Variants in MOGS observed in about 807,000 individuals in gnomAD.
MOGS encodes the protein epididymis secretory sperm binding protein.
A neutral mutation model predicts 68.5 loss-of-function variants in MOGS; 45 were observed. The observed-to-expected ratio is 0.66, with a 90% CI of 0.52 to 0.84. The LOEUF is 0.84. MOGS is among the 40% of genes least tolerant of loss of function. The pLI, the probability that MOGS is intolerant of heterozygous loss-of-function variation, is 0.00. For synonymous variants in MOGS, 492 were observed against 461.2 expected, an observed-to-expected ratio of 1.07 and a Z score of -0.86; for missense variants, 1,020 against 1,095.0, an observed-to-expected ratio of 0.93 and a Z score of 0.97.
Position 74,463,406 on chromosome 2 carries a change from AG to A in MOGS, c.580-21del. ...TGAGTCCTGAGTGACCAACGAGGAC[AG>A]AAAAGAACAGTGTTAGATTGGCATT... On this transcript the variant is annotated intron_variant, in intron 2 of 3. Transcript: ENST00000448666. 6.2e-7 allele frequency: 1 copy of A among 1,609,062 alleles called. No homozygotes were observed. Among genetic ancestry groups the A allele is most frequent in the Non-Finnish European group, 8.5e-7 (1 of 1,175,534 alleles).
rs530271596 is a variant in MOGS at position 74,462,341 on chromosome 2, C to T, written c.1448G>A (p.Trp483Ter). 6.2e-7 allele frequency: 1 copy of T among 1,614,052 alleles called. No individual in the cohort carries two copies. The highest frequency in any genetic ancestry group is 1.1e-5 in the South Asian group (1 of 91,090). ...HWLGLLNADGWIGREQILGDE... is the reference protein window; with the variant it reads ...HWLGLLNADG Reference sequence around the variant, plus strand: ...CCCCAGTATCTGCTCCCTCCCAATCCAGCCATCAGCATTTAGCAGCCCCAG... The same window carrying T: ...CCCCAGTATCTGCTCCCTCCCAATCTAGCCATCAGCATTTAGCAGCCCCAG... The change falls in exon 4 of 4, where the codon TGG (tryptophan) becomes TAG (stop). Residue 483 changes from tryptophan to a stop codon, truncating the protein, a stop_gained. Transcript: ENST00000448666. LOFTEE classifies it high-confidence loss of function.
rs1263352542 is a variant in MOGS at position 74,464,624 on chromosome 2, G to C, written c.451C>G (p.His151Asp). Reference sequence around the variant, plus strand: ...TGGCGCCCGAAGGAGAGGCCGTCGTGGAACTCCCAGCCATAGGGACCCACA... The same window carrying C: ...TGGCGCCCGAAGGAGAGGCCGTCGTCGAACTCCCAGCCATAGGGACCCACA... ...DGVGPYGWEF[H>D]DGLSFGRQHI... Residue 151 changes from histidine to aspartate, a missense_variant, in exon 2 of 4, where the codon CAC becomes GAC. His to Asp is a moderately conservative substitution (Grantham distance 81). Around this residue, in one of 3 missense-constraint regions of MOGS, gnomAD observed 569 missense variants for 571.9 expected, o/e 0.99. Transcript: ENST00000448666. 1.2e-6 allele frequency: 2 copies of C among 1,614,010 alleles called. No individual in the cohort carries two copies. Among genetic ancestry groups the C allele is most frequent in the Admixed American group, 3.3e-5 (2 of 60,022 alleles).
intron 2 of MOGS, 91 bp from the exon 3 acceptor site, chr2:74,463,477 G>T (rs1255608147): frequency 1.5e-6 from 2 of 1,344,804 alleles, no homozygotes; most frequent in East Asian, 2.3e-5. Flanking sequence ...TGAGGGAAAG[G>T]AACAGTAGGC....
rs1430357441 is a variant in MOGS at position 74,461,327 on chromosome 2, G to A, written c.2462C>T (p.Pro821Leu). Reference sequence around the variant, plus strand: ...GACAAGGCTGGTCCAGCCGTGGAAAGGGCGGCAGCCCATGCCTCGCCCATC... The same window carrying A: ...GACAAGGCTGGTCCAGCCGTGGAAAAGGCGGCAGCCCATGCCTCGCCCATC... Reference protein sequence around the residue: ...DRDGRGMGCRPFHGWTSLVLL... With the variant: ...DRDGRGMGCRLFHGWTSLVLL... The change falls in exon 4 of 4, where the codon CCT becomes CTT. Residue 821 changes from proline to leucine, a missense_variant. This residue lies in a region of MOGS where 270 missense variants were observed against 261.3 expected (regional missense o/e 1.03). Coordinates refer to ENST00000448666, the MANE Select transcript of MOGS (RefSeq NM_006302.3). 6.2e-7 allele frequency: 1 copy of A among 1,614,134 alleles called. No individual in the cohort carries two copies. Among genetic ancestry groups the A allele is most frequent in the Non-Finnish European group, 8.5e-7 (1 of 1,180,040 alleles).
At chr2:74,464,468 T>G in intron 2 of MOGS, 28 bp downstream of exon 2, 23 of 1,606,612 alleles carry the variant, frequency 1.4e-5, no homozygotes, top group South Asian at 2.2e-5. Context: ...GGGTCTGGGC[T>G]GAGAAAAGGG....
chr2:74,462,325 C>T lies in MOGS; in HGVS notation c.1464G>A (p.Gln488=). The T allele has an allele frequency of 6.2e-7, 1 of 1,614,002 alleles. No individual in the cohort carries two copies. The highest frequency in any genetic ancestry group is 8.5e-7 in the Non-Finnish European group (1 of 1,180,012). ...GGGCTCGGGCCTCATCCCCCAGTAT[C>T]TGCTCCCTCCCAATCCAGCCATCAG... is the stretch of plus-strand genomic sequence containing the variant. ...LNADGWIGRE[Q]ILGDEARARV... The change falls in exon 4 of 4, where the codon CAG becomes CAA. Residue 488 remains glutamine (Q), a synonymous_variant. Transcript: ENST00000448666.
In MOGS at chr2:74,462,219, C is replaced by G; in HGVS notation, c.1570G>C (p.Glu524Gln). ...GCCAAGTCGTCAGGGTCACCAACCT[C>G]TAGCATATGGGCTACAGGCAAAAGT... The part of the protein sequence containing the change: ...TLLLPVAHML[E>Q]VGDPDDLAFL... The change falls in exon 4 of 4, where the codon GAG becomes CAG. Residue 524 changes from glutamate (E) to glutamine (Q), a missense_variant. Physicochemically the swap from Glu to Gln is conservative, Grantham distance 29 (BLOSUM62 2). This residue lies in a region of MOGS where 181 missense variants were observed against 261.8 expected (regional missense o/e 0.69). Transcript: ENST00000448666. The G allele has an allele frequency of 6.2e-7, 1 of 1,614,160 alleles. No individual in the cohort carries two copies. Among genetic ancestry groups the G allele is most frequent in the Non-Finnish European group, 8.5e-7 (1 of 1,180,018 alleles).
chr2:74,461,767 C>A lies in MOGS; in HGVS notation c.2022G>T (p.Arg674=). ...GTTGAGGTTGGGGCCGACCCACCAC[C>A]CGAACGAGCCCCTGAGGGGGCCTGG... ...LKPRPPQGLV[R]VVGRPQPQLQ... The change falls in exon 4 of 4, where the codon CGG becomes CGT. Residue 674 remains arginine, a synonymous_variant. Coordinates refer to ENST00000448666, the MANE Select transcript of MOGS (RefSeq NM_006302.3). The A allele has an allele frequency of 1.2e-6, 2 of 1,614,222 alleles. No homozygotes were observed. Among genetic ancestry groups the A allele is most frequent in the South Asian group, 1.1e-5 (1 of 91,092 alleles).
chr2:74,464,825 C>A lies in MOGS; in HGVS notation c.352+71G>T. 3 of 1,561,874 alleles carry A rather than the reference C, an allele frequency of 1.9e-6. No individual in the cohort carries two copies. The South Asian group carries it at 3.5e-5, about 18-fold the overall frequency. ...CTCTCCTGATCCATTCCTTCCCACCCTTGCTCTCGCTTCAAGCTGGGGCGC... is the reference window on the plus strand; with the variant it reads ...CTCTCCTGATCCATTCCTTCCCACCATTGCTCTCGCTTCAAGCTGGGGCGC... On this transcript the variant is annotated intron_variant, in intron 1 of 3. Coordinates refer to ENST00000448666, the MANE Select transcript of MOGS (RefSeq NM_006302.3).
Position 74,461,232 on chromosome 2 carries a change from C to T in MOGS, c.*43G>A. 6.2e-7 allele frequency: 1 copy of T among 1,611,462 alleles called. No homozygotes were observed. The highest frequency in any genetic ancestry group is 1.1e-5 in the South Asian group (1 of 90,892). ...GCCAGAAGCCTTTGTCCCTTCAGAG[C>T]CAGAGTGGCATGAGTGTCTTGGCTC... On this transcript the variant is annotated 3_prime_UTR_variant, in exon 4 of 4. Transcript: ENST00000448666.
At chr2:74,464,241 G>A (rs1558566726) in intron 2 of MOGS, among the ~76,000 whole-genome samples, 1 of 152,314 alleles carries the variant, frequency 6.6e-6, no homozygotes, top group South Asian at 2.1e-4. Flanking sequence ...TTACAGGCGT[G>A]AGCCACCGCG....
Position 74,462,085 on chromosome 2 carries a change from G to A in MOGS, c.1704C>T (p.Ala568=). The A allele has an allele frequency of 6.2e-7, 1 of 1,614,192 alleles. No homozygotes were observed. The highest frequency in any genetic ancestry group is 8.5e-7 in the Non-Finnish European group (1 of 1,179,984). Residue 568 remains alanine, a synonymous_variant, in exon 4 of 4, where the codon GCC becomes GCT. Coordinates refer to ENST00000448666, the MANE Select transcript of MOGS (RefSeq NM_006302.3). ...TCTTGGGGTTCAGTAAGGTTGGTAA[G>A]GCAGGGTCCCGTCCCCGCCAGCGGT... ...LSYRWRGRDP[A]LPTLLNPKTL... is the part of the protein sequence containing the mutation.
chr2:74,461,802 G>T lies in MOGS; in HGVS notation c.1987C>A (p.Gln663Lys). Residue 663 changes from glutamine (Q) to lysine (K), a missense_variant, in exon 4 of 4, where the codon CAG becomes AAG. By Grantham distance (53) the Gln-to-Lys change is moderately conservative. Transcript: ENST00000448666. ...ADFGNHTKAV[Q>K]LKPRPPQGLV... ...CCCTGAGGGGGCCTGGGCTTCAGCT[G>T]TACTGCTTTTGTGTGGTTCCCAAAG... The T allele has an allele frequency of 5.6e-6, 9 of 1,614,220 alleles. No homozygotes were observed. Among genetic ancestry groups the T allele is most frequent in the Non-Finnish European group, 7.6e-6 (9 of 1,180,040 alleles).
In MOGS at chr2:74,462,919, T is replaced by G; in HGVS notation, c.870A>C (p.Pro290=). The change falls in exon 4 of 4, where the codon CCA becomes CCC. Residue 290 remains proline (P), a synonymous_variant. Coordinates refer to ENST00000448666, the MANE Select transcript of MOGS (RefSeq NM_006302.3). ...RLNSWFQHRP[P]GAPPERYLGL... ...CGAGGTAGCGTTCAGGGGGGGCCCC[T>G]GGGGGCCGATGCTGAAACCAGCTAT... The G allele has an allele frequency of 1.2e-6, 2 of 1,614,158 alleles. No homozygotes were observed.
Position 74,465,257 on chromosome 2 carries a change from G to C in MOGS, c.-10C>G. 1 of 1,430,744 alleles carries C rather than the reference G, an allele frequency of 7.0e-7. No homozygotes were observed. Among genetic ancestry groups the C allele is most frequent in the Non-Finnish European group, 9.0e-7 (1 of 1,106,902 alleles). The allele number at this position is 1,430,744 out of a possible 1,614,324, so 88.6% of individuals were successfully genotyped here. ...GCTCGCCCCGAGCCATCCTGGCACT[G>C]AGGTCCGCGTCACAAGAGCTCGGAG... is the stretch of plus-strand genomic sequence containing the variant. On this transcript the variant is annotated 5_prime_UTR_variant, in exon 1 of 4. Transcript: ENST00000448666.
In MOGS at chr2:74,462,296, A is replaced by T. The variant is rs1572920167; in HGVS notation, c.1493T>A (p.Val498Glu). ...TCGTTGTACTAGGAATTCTGGAGGC[A>T]CCCGGGCTCGGGCCTCATCCCCCAG... The part of the protein sequence containing the change: ...QILGDEARAR[V>E]PPEFLVQRAV... Residue 498 changes from valine to glutamate, a missense_variant, in exon 4 of 4, where the codon GTG (valine) becomes GAG (glutamate). Around this residue, in one of 3 missense-constraint regions of MOGS, gnomAD observed 181 missense variants for 261.8 expected, o/e 0.69. Transcript: ENST00000448666. 1.2e-6 allele frequency: 2 copies of T among 1,613,572 alleles called. No homozygotes were observed. Among genetic ancestry groups the T allele is most frequent in the Non-Finnish European group, 1.7e-6 (2 of 1,179,988 alleles).
intron 3 of MOGS, 71 bp from the exon 4 acceptor site, chr2:74,463,083 A>G (rs964285508): frequency 5.0e-6 from 8 of 1,610,380 alleles, no homozygotes; most frequent in Middle Eastern, 1.7e-4. Flanking sequence ...GAGAAATACA[A>G]AGTGTTCAGG....
At position 74,462,098 on chromosome 2, in the gene MOGS, C is replaced by A; in HGVS notation, c.1691G>T (p.Gly564Val). The A allele has an allele frequency of 6.2e-7, 1 of 1,614,146 alleles. No individual in the cohort carries two copies. The highest frequency in any genetic ancestry group is 8.5e-7 in the Non-Finnish European group (1 of 1,179,966). Reference sequence around the variant, plus strand: ...TAAGGTTGGTAAGGCAGGGTCCCGTCCCCGCCAGCGGTAAGATAGTGGCAG... The same window carrying A: ...TAAGGTTGGTAAGGCAGGGTCCCGTACCCGCCAGCGGTAAGATAGTGGCAG... ...GPLPLSYRWR[G>V]RDPALPTLLN... Residue 564 changes from glycine (G) to valine (V), a missense_variant, in exon 4 of 4, where the codon GGA becomes GTA. Physicochemically the swap from Gly to Val is moderately radical, Grantham distance 109. Coordinates refer to ENST00000448666, the MANE Select transcript of MOGS (RefSeq NM_006302.3).
chr2:74,461,470 C>T lies in MOGS; in HGVS notation c.2319G>A (p.Glu773=), dbSNP rs1375839856. Reference sequence around the variant, plus strand: ...TGGCAGCCCGAGCCTGGTGAGGACCCTCCAGATGCCCATAGTGGTGGAGTG... The same window carrying T: ...TGGCAGCCCGAGCCTGGTGAGGACCTTCCAGATGCCCATAGTGGTGGAGTG... ...LGALHHYGHL[E]GPHQARAAKL... The change falls in exon 4 of 4, where the codon GAG becomes GAA. Residue 773 remains glutamate (E), a synonymous_variant. Coordinates refer to ENST00000448666, the MANE Select transcript of MOGS (RefSeq NM_006302.3). 6.2e-7 allele frequency: 1 copy of T among 1,614,212 alleles called. No homozygotes were observed.
Sources: allele counts gnomAD v4.1 joint callset (sites outside exome capture counted in the v4.1 genomes callset), GRCh38; gene constraint gnomAD v4.1.1; regional missense constraint gnomAD v4.1.1; transcripts MANE v1.5; gene names NCBI Gene and HGNC (gene_info 2026-07-23, HGNC 2026-07-21).